SANBR: variants seen among roughly 807,000 people sequenced by gnomAD.
SANBR encodes SANT and BTB domain regulator of CSR, also known as SANT and BTB domain regulator of class switch recombination.
In SANBR, 77 loss-of-function variants were observed where a neutral mutation model predicts 101.8. That is an observed-to-expected ratio of 0.76 (90% confidence interval 0.63 to 0.91). The LOEUF (loss-of-function observed/expected upper bound fraction) is 0.91, where lower values mean the gene tolerates loss of function less well. Ranked by LOEUF, SANBR falls within the 40% of genes least tolerant of loss-of-function variation. SANBR has a pLI of 0.00. For missense variants in SANBR, 875 were observed against 853.0 expected (o/e 1.03, Z -0.32); for synonymous variants, 279 against 274.7 (o/e 1.02, Z -0.15).
intron 10 of SANBR, among the ~76,000 whole-genome samples, chr2:61,091,700 G>T (rs1191902547): frequency 6.6e-6 from 1 of 152,020 alleles, no homozygotes; most frequent in East Asian, 1.9e-4. Flanking sequence ...GTTTGAAGTT[G>T]CAATAAGCTA....
At chr2:61,115,480 G>A (rs1684033991) in intron 16 of SANBR, among the ~76,000 whole-genome samples, 1 of 151,870 alleles carries the variant, frequency 6.6e-6, no homozygotes, top group African/African-American at 2.4e-5. Context: ...TTACAGGCAT[G>A]CACCACCATA....
chr2:61,112,770 G>A (rs1683896143), intron 16 of SANBR, among the ~76,000 whole-genome samples: 1 of 152,202 alleles, frequency 6.6e-6, no homozygotes, highest in Non-Finnish European at 1.5e-5. Context: ...TGGGATTACA[G>A]GCATGAGCCA....
Position 61,088,214 on chromosome 2 carries a change from G to T in SANBR, c.946G>T (p.Asp316Tyr). Residue 316 changes from aspartate to tyrosine, a missense_variant, in exon 9 of 22, where the codon GAT (aspartate) becomes TAT (tyrosine). Physicochemically the swap from Asp to Tyr is radical, Grantham distance 160 (BLOSUM62 -3). Transcript: ENST00000402291. Reference sequence around the variant, plus strand: ...GTTTGATCCTGAGTACTTGAATCCAGATTCTCGGAGTAATGCAGCAACATT... The same window carrying T: ...GTTTGATCCTGAGTACTTGAATCCATATTCTCGGAGTAATGCAGCAACATT... ...RLFDPEYLNP[D>Y]SRSNAATLYR... The T allele has an allele frequency of 6.2e-7, 1 of 1,609,840 alleles. No homozygotes were observed. Among genetic ancestry groups the T allele is most frequent in the Non-Finnish European group, 8.5e-7 (1 of 1,178,746 alleles).
At chr2:61,088,286 C>T (rs1329343740) in intron 9 of SANBR, 41 bp downstream of exon 9, 3 of 1,563,988 alleles carry the variant, frequency 1.9e-6, no homozygotes, top group East Asian at 4.5e-5. Flanking sequence ...CTTTATAATG[C>T]AGCTATATTC....
chr2:61,104,285 A>T (rs1373692785), intron 13 of SANBR, among the ~76,000 whole-genome samples: 1 of 152,064 alleles, frequency 6.6e-6, no homozygotes. Context: ...GATCGAGAGC[A>T]TCCTGGCTAA....
intron 16 of SANBR, among the ~76,000 whole-genome samples, chr2:61,113,021 C>A (rs1359661705): frequency 7.2e-5 from 11 of 152,100 alleles, no homozygotes; most frequent in Non-Finnish European, 1.6e-4. Context: ...AGTTAAGGGT[C>A]AAGCTTCCTT....
intron 10 of SANBR, chr2:61,088,913 C>A (rs866238894): frequency 1.1e-6 from 1 of 910,564 alleles, no homozygotes; most frequent in African/African-American, 1.8e-5. Flanking sequence ...TGTTATCCAA[C>A]TTTCATTTAG....
intron 11 of SANBR, among the ~76,000 whole-genome samples, chr2:61,095,172 TAATC>T (rs1396439691): frequency 1.3e-5 from 2 of 152,230 alleles, no homozygotes; most frequent in African/African-American, 2.4e-5. Flanking sequence ...GAGTGTGACA[TAATC>T]AAGGATATCA....
intron 21 of SANBR, among the ~76,000 whole-genome samples, chr2:61,137,222 G>C (rs1020387171): frequency 5.3e-5 from 8 of 152,054 alleles, no homozygotes; most frequent in Non-Finnish European, 1.0e-4. Flanking sequence ...AGGCTGTAGT[G>C]AGTGATAATC....
intron 8 of SANBR, among the ~76,000 whole-genome samples, chr2:61,085,747 G>T (rs1268328601): frequency 6.6e-6 from 1 of 152,046 alleles, no homozygotes; most frequent in Non-Finnish European, 1.5e-5. Flanking sequence ...CTGACCTCAG[G>T]TGATCCGCCC....
chr2:61,094,639 T>C (rs1480225025), intron 11 of SANBR, among the ~76,000 whole-genome samples: 1 of 71,106 alleles, frequency 1.4e-5, no homozygotes, highest in Non-Finnish European at 2.9e-5. Context: ...ATTTCTCTTC[T>C]TTTTTTTTTT....
chr2:61,083,341 C>T (rs1477781603), intron 8 of SANBR, 27 bp downstream of exon 8: 1 of 1,252,006 alleles, frequency 8.0e-7, no homozygotes, highest in East Asian at 2.5e-5. Context: ...AATTTTAAAC[C>T]TAATACTCCT....
At chr2:61,132,039 C>T (rs1359610960) in intron 20 of SANBR, among the ~76,000 whole-genome samples, 1 of 152,104 alleles carries the variant, frequency 6.6e-6, no homozygotes, top group African/African-American at 2.4e-5. Context: ...GATCAAAGAC[C>T]TAAATGTAAG....
At position 61,122,495 on chromosome 2, in the gene SANBR, T is replaced by TTTGTAGTTTACTGTGTTTTC; in HGVS notation, c.*334_*335insTGTAGTTTACTGTGTTTTCT. 9.7e-7 allele frequency: 1 copy of TTTGTAGTTTACTGTGTTTTC among 1,035,408 alleles called. No homozygotes were observed. 64.1% of individuals were successfully genotyped at this position (1,035,408 alleles called of 1,614,324 possible). ...TAAACTGTCAGGTAGCCAAGTTTTT[T>TTTGTAGTTTACTGTGTTTTC]TAAGACCTTAAAAGTTAGGGGAACA... On this transcript the variant is annotated 3_prime_UTR_variant, in exon 22 of 22. Coordinates refer to ENST00000402291, the MANE Select transcript of SANBR (RefSeq NM_001129993.3).
chr2:61,077,112 T>A lies in SANBR; in HGVS notation c.624T>A (p.Ile208=). ...VHIFNWLIKY[I]KRNTKENKDC... is the part of the protein sequence containing the mutation. ...TTTTCAACTGGTTGATAAAATACATTAAAAGGAACACTAAGGAGAATAAAG... is the reference window on the plus strand; with the variant it reads ...TTTTCAACTGGTTGATAAAATACATAAAAAGGAACACTAAGGAGAATAAAG... The change falls in exon 6 of 22, where the codon ATT becomes ATA. Residue 208 remains isoleucine (I), a synonymous_variant. Transcript: ENST00000402291. 6.2e-7 allele frequency: 1 copy of A among 1,613,602 alleles called. No homozygotes were observed. The highest frequency in any genetic ancestry group is 8.5e-7 in the Non-Finnish European group (1 of 1,179,532).
At chr2:61,079,537 T>C (rs1681977340) in intron 6 of SANBR, among the ~76,000 whole-genome samples, 1 of 152,090 alleles carries the variant, frequency 6.6e-6, no homozygotes. Context: ...GGTCCTTAAA[T>C]AAAAATTACA....
Position 61,117,383 on chromosome 2 carries a change from C to A in SANBR, c.1863C>A (p.Phe621Leu). The stretch of plus-strand genomic sequence containing the variant: ...CAGCTTCTAGAGATGTGTCTCCTTT[C>A]GTGTGAGTATTGCTCCTTAATCCAA... ...EKSASRDVSP[F>L]VMSMQKNKWD... is the part of the protein sequence containing the mutation. The change falls in exon 18 of 22, where the codon TTC becomes TTA. Residue 621 changes from phenylalanine (F) to leucine (L), a missense_variant and splice_region_variant. Physicochemically the swap from Phe to Leu is conservative, Grantham distance 22. Coordinates refer to ENST00000402291, the MANE Select transcript of SANBR (RefSeq NM_001129993.3). The A allele has an allele frequency of 6.2e-7, 1 of 1,613,644 alleles. No homozygotes were observed. The highest frequency in any genetic ancestry group is 8.5e-7 in the Non-Finnish European group (1 of 1,179,682).
rs1682235544 is a variant in SANBR at position 61,083,235 on chromosome 2, A to G, written c.811A>G (p.Asn271Asp). Reference sequence around the variant, plus strand: ...ATGCAACATGAACTGTATTAATGCAAATCTTCTCACACGTATAGCTGATCT... The same window carrying G: ...ATGCAACATGAACTGTATTAATGCAGATCTTCTCACACGTATAGCTGATCT... ...TPCNMNCINA[N>D]LLTRIADLFS... is the part of the protein sequence containing the mutation. Residue 271 changes from asparagine (N) to aspartate (D), a missense_variant, in exon 8 of 22, where the codon AAT (asparagine) becomes GAT (aspartate). Coordinates refer to ENST00000402291, the MANE Select transcript of SANBR (RefSeq NM_001129993.3). The G allele has an allele frequency of 1.2e-6, 2 of 1,611,108 alleles. No individual in the cohort carries two copies. The highest frequency in any genetic ancestry group is 1.7e-5 in the Admixed American group (1 of 60,012).
At position 61,124,189 on chromosome 2, in the gene SANBR, A is replaced by G. The variant is rs1684445435; in HGVS notation, c.*2027A>G. On this transcript the variant is annotated 3_prime_UTR_variant, in exon 22 of 22. Coordinates refer to ENST00000402291, the MANE Select transcript of SANBR (RefSeq NM_001129993.3). ...CGCAAACATTTTACTTAAACTCTTA[A>G]TAGCATTTCTTTCGCCAGATACTTT... 20 of 980,744 alleles carry G rather than the reference A, an allele frequency of 2.0e-5. No individual in the cohort carries two copies. Among genetic ancestry groups the G allele is most frequent in the Non-Finnish European group, 2.4e-5 (20 of 825,626 alleles). 60.8% of individuals were successfully genotyped at this position (980,744 alleles called of 1,614,324 possible). A position where few individuals can be genotyped will look rare whatever the true frequency, so the allele number is the denominator to read the frequency against.
Sources: allele counts gnomAD v4.1 joint callset (sites outside exome capture counted in the v4.1 genomes callset), GRCh38; gene constraint gnomAD v4.1.1; transcripts MANE v1.5; gene names NCBI Gene and HGNC (gene_info 2026-07-23, HGNC 2026-07-21).